RIC1: variants seen among roughly 807,000 people sequenced by gnomAD.
The protein encoded by RIC1 is guanine nucleotide exchange factor subunit RIC1.
Under a neutral mutation model 169.0 loss-of-function variants are expected in RIC1, and 88 were observed. The observed-to-expected ratio is 0.52, with a 90% CI of 0.44 to 0.62. The LOEUF is 0.62. Among genes scored for constraint, RIC1 ranks in the 20% least tolerant of loss-of-function variants. The probability of loss-of-function intolerance (pLI) is 0.00; values close to 1 mark genes in which losing one functional copy is unlikely to be tolerated. For missense variants in RIC1, 1,877 were observed against 1,725.5 expected (o/e 1.09, Z -1.56); for synonymous variants, 790 against 601.5 (o/e 1.31, Z -4.59).
chr9:5,664,543 C>T (rs1012015820), intron 2 of RIC1, among the ~76,000 whole-genome samples: 2 of 152,182 alleles, frequency 1.3e-5, no homozygotes, highest in African/African-American at 2.4e-5. Context: ...CTGCCCTTAA[C>T]ATTTTTCTTT....
chr9:5,670,648 C>G (rs1489716757), intron 2 of RIC1, among the ~76,000 whole-genome samples: 2 of 151,990 alleles, frequency 1.3e-5, no homozygotes, highest in Non-Finnish European at 2.9e-5. Flanking sequence ...ATGGAATGAG[C>G]CCAGATATAT....
intron 3 of RIC1, among the ~76,000 whole-genome samples, chr9:5,711,139 G>A (rs555604568): frequency 3.0e-4 from 45 of 152,116 alleles, no homozygotes; most frequent in African/African-American, 8.7e-4. Flanking sequence ...AGAACCCATC[G>A]GATATATAAA....
chr9:5,704,186 A>T (rs562973371), intron 3 of RIC1, among the ~76,000 whole-genome samples: 2 of 152,168 alleles, frequency 1.3e-5, no homozygotes, highest in South Asian at 2.1e-4. Context: ...TCTCTAGATA[A>T]ATATCTATTC....
At chr9:5,681,987 CT>C (rs1452905940) in intron 2 of RIC1, among the ~76,000 whole-genome samples, 2 of 152,022 alleles carry the variant, frequency 1.3e-5, no homozygotes, top group Non-Finnish European at 2.9e-5. Flanking sequence ...CAACCCCTGC[CT>C]TTTTTTGTTT....
At position 5,695,149 on chromosome 9, in the gene RIC1, A is replaced by T. The variant is rs1821814322; in HGVS notation, c.332+5111A>T. ...CACTGAGAAGATGACATATAAAAGG[A>T]TCTCAAAGATGATGAGGTAACAAAA... On this transcript the variant is annotated intron_variant, in intron 3 of 25. Coordinates refer to ENST00000414202, the MANE Select transcript of RIC1 (RefSeq NM_020829.4). Among the ~76,000 whole-genome samples the T allele has an allele frequency of 2.6e-5, 4 of 152,328 alleles. No homozygotes were observed. In the South Asian group the frequency reaches 8.3e-4, roughly 32 times the overall value.
At position 5,641,499 on chromosome 9, in the gene RIC1, T is replaced by G. The variant is rs554585410; in HGVS notation, c.144+12046T>G. On this transcript the variant is annotated intron_variant, in intron 1 of 25. Transcript: ENST00000414202. ...TTTGGGAAGTTCTCTCTTATCCCTT[T>G]GAATGAACTTTCTACTCCGGTCTCT... Among the ~76,000 whole-genome samples, 9 of 152,312 alleles carry G rather than the reference T, an allele frequency of 5.9e-5. No homozygotes were observed. The South Asian group carries it at 1.9e-3, about 32-fold the overall frequency.
intron 2 of RIC1, among the ~76,000 whole-genome samples, chr9:5,671,271 A>T (rs10815264): frequency 0.33 from 48,218 of 146,672 alleles, 8,465 homozygotes; most frequent in East Asian, 0.54. Flanking sequence ...TATTATTATT[A>T]TTATTTTTTT....
intron 1 of RIC1, among the ~76,000 whole-genome samples, chr9:5,644,808 C>A (rs1303772849): frequency 6.6e-6 from 1 of 152,064 alleles, no homozygotes; most frequent in African/African-American, 2.4e-5. Flanking sequence ...AGTCATATGG[C>A]AAGTTTAACT....
At chr9:5,745,470 T>C (rs1047652070) in intron 10 of RIC1, among the ~76,000 whole-genome samples, 1 of 152,150 alleles carries the variant, frequency 6.6e-6, no homozygotes, top group Non-Finnish European at 1.5e-5. Context: ...AGCCAAGCTA[T>C]AATGAAGACT....
chr9:5,751,205 G>T (rs1825703360), intron 12 of RIC1, among the ~76,000 whole-genome samples: 1 of 151,890 alleles, frequency 6.6e-6, no homozygotes, highest in East Asian at 1.9e-4. Flanking sequence ...TGCAATGGAT[G>T]ATTGACACAG....
At chr9:5,649,454 C>T (rs780984729) in intron 1 of RIC1, among the ~76,000 whole-genome samples, 1 of 152,114 alleles carries the variant, frequency 6.6e-6, no homozygotes, top group Non-Finnish European at 1.5e-5. Context: ...TGCTTGATAT[C>T]ATCCATTGCT....
At chr9:5,758,670 A>G (rs1297486715) in intron 17 of RIC1, among the ~76,000 whole-genome samples, 2 of 148,646 alleles carry the variant, frequency 1.3e-5, no homozygotes, top group South Asian at 4.2e-4. Flanking sequence ...CATATGTCCA[A>G]CTATTTCATT....
At chr9:5,718,139 CAAAA>C (rs35477806) in intron 4 of RIC1, among the ~76,000 whole-genome samples, 2 of 28,090 alleles carry the variant, frequency 7.1e-5, no homozygotes, top group East Asian at 2.1e-3. Flanking sequence ...GACTCCGTCT[CAAAA>C]AAAAAAAAAA....
chr9:5,685,293 A>T (rs1273439073), intron 2 of RIC1, among the ~76,000 whole-genome samples: 2 of 150,858 alleles, frequency 1.3e-5, no homozygotes, highest in Non-Finnish European at 3.0e-5. Context: ...GTTCATATGG[A>T]ACCAAAAAAG....
In RIC1 at chr9:5,776,236, C is replaced by CA. The variant is rs907465585; in HGVS notation, c.*1991dup. 10 of 151,870 alleles carry CA rather than the reference C, an allele frequency of 6.6e-5. No individual in the cohort carries two copies. The highest frequency in any genetic ancestry group is 2.4e-4 in the African/African-American group (10 of 41,364). 9.4% of individuals were successfully genotyped at this position (151,870 alleles called of 1,614,324 possible). A position where few individuals can be genotyped will look rare whatever the true frequency, so the allele number is the denominator to read the frequency against. ...ACAACTAATAGAGATAGGAGGCCCC[C>CA]AGGCAAGAAGTTTGGCAGGTTTACA... On this transcript the variant is annotated 3_prime_UTR_variant, in exon 26 of 26. Transcript: ENST00000414202.
At chr9:5,684,864 T>C (rs1339953664) in intron 2 of RIC1, among the ~76,000 whole-genome samples, 3 of 152,312 alleles carry the variant, frequency 2.0e-5, no homozygotes, top group Admixed American at 1.3e-4. Flanking sequence ...CTGAGAATTT[T>C]TAATCAGGAA....
chr9:5,757,238 C>A, intron 16 of RIC1, 75 bp from the exon 17 acceptor site: 3 of 1,488,770 alleles, frequency 2.0e-6, no homozygotes, highest in Non-Finnish European at 2.8e-6. Context: ...AAATCTAATA[C>A]TATTACTAGT....
At chr9:5,703,327 C>T (rs533620962) in intron 3 of RIC1, among the ~76,000 whole-genome samples, 61 of 152,196 alleles carry the variant, frequency 4.0e-4, no homozygotes, top group Non-Finnish European at 7.3e-4. Context: ...GTCATTAATT[C>T]TTAAAGCTCC....
intron 17 of RIC1, among the ~76,000 whole-genome samples, chr9:5,760,112 C>T (rs532867113): frequency 1.3e-5 from 2 of 151,752 alleles, no homozygotes; most frequent in South Asian, 4.2e-4. Flanking sequence ...CTAAAGTTTT[C>T]AAAAAAAATA....
Sources: gnomAD v4.1 joint callset for allele counts (sites outside exome capture counted in the v4.1 genomes callset) on GRCh38, gnomAD v4.1.1 for gene constraint, MANE v1.5 for transcripts, NCBI Gene and HGNC (gene_info 2026-07-23, HGNC 2026-07-21) for gene names.